NF1: variants seen among roughly 807,000 people sequenced by gnomAD.
NF1 encodes the protein neurofibromin.
In NF1, 122 loss-of-function variants were observed where a neutral mutation model predicts 325.7. The observed-to-expected ratio is 0.37, with a 90% CI of 0.32 to 0.44. NF1 has a LOEUF of 0.44. Among genes scored for constraint, NF1 ranks in the 20% least tolerant of loss-of-function variants. NF1 has a pLI of 1.00. For synonymous variants in NF1, 1,091 were observed against 1,186.0 expected (o/e 0.92, Z 1.65); for missense variants, 2,140 against 3,415.4 (o/e 0.63, Z 9.31).
At chr17:31,195,460 A>T (rs755053743) in intron 8 of NF1, among the ~76,000 whole-genome samples, 22 of 152,138 alleles carry the variant, frequency 1.4e-4, no homozygotes, top group Non-Finnish European at 2.9e-4. Flanking sequence ...TATCTTTCAC[A>T]TCGTTGTGCA....
intron 36 of NF1, chr17:31,320,632 A>G (rs1488081634): frequency 2.2e-6 from 1 of 459,040 alleles, no homozygotes; most frequent in Non-Finnish European, 3.9e-6. Flanking sequence ...GTAGGGAGGA[A>G]AAACTATTAA....
intron 4 of NF1, among the ~76,000 whole-genome samples, chr17:31,165,293 T>C (rs2065826320): frequency 6.6e-6 from 1 of 152,232 alleles, no homozygotes; most frequent in African/African-American, 2.4e-5. Flanking sequence ...TAAAATTTTA[T>C]TAGCTTTCAG....
intron 5 of NF1, among the ~76,000 whole-genome samples, chr17:31,179,779 T>C (rs950424803): frequency 6.0e-5 from 9 of 150,786 alleles, no homozygotes; most frequent in African/African-American, 2.2e-4. Flanking sequence ...CAAGACTCTG[T>C]TTAAAAAAAA....
chr17:31,187,980 G>A (rs1210809439), intron 8 of NF1, among the ~76,000 whole-genome samples: 1 of 152,216 alleles, frequency 6.6e-6, no homozygotes, highest in East Asian at 1.9e-4. Flanking sequence ...CTACTCCATA[G>A]CGGAGGTAAA....
At chr17:31,266,792 C>G (rs1235939462) in intron 36 of NF1, among the ~76,000 whole-genome samples, 2 of 150,486 alleles carry the variant, frequency 1.3e-5, no homozygotes, top group African/African-American at 4.9e-5. Flanking sequence ...CTGTGGTGAT[C>G]TAGAAAAAGC....
intron 36 of NF1, among the ~76,000 whole-genome samples, chr17:31,286,068 A>G (rs17885810): frequency 7.3e-4 from 111 of 152,150 alleles, no homozygotes; most frequent in Admixed American, 2.2e-3. Flanking sequence ...TGATTCCTTG[A>G]TCCTTTAAAT....
rs1450972012 is a variant in NF1, at chr17:31,360,520, G to T, written c.8194G>T (p.Val2732Phe). The T allele has an allele frequency of 6.2e-7, 1 of 1,614,044 alleles. No individual in the cohort carries two copies. The change falls in exon 57 of 58, where the codon GTT (valine) becomes TTT (phenylalanine). Residue 2732 changes from valine to phenylalanine, a missense_variant. Around this residue, in one of 10 missense-constraint regions of NF1, gnomAD observed 522 missense variants for 749.0 expected, o/e 0.70. Transcript: ENST00000358273. Reference sequence around the variant, plus strand: ...AATTCCAGACTATGCTGAGCTTATTGTTAAGTTTCTTGATGCCTTGATTGA... The same window carrying T: ...AATTCCAGACTATGCTGAGCTTATTTTTAAGTTTCTTGATGCCTTGATTGA... The part of the protein sequence containing the change: ...TQIPDYAELI[V>F]KFLDALIDTY...
chr17:31,227,262 A>G lies in NF1; in HGVS notation c.2296A>G (p.Ile766Val), dbSNP rs1303924124. ...AAGAGTGATGGCACTGCTGAGGCGCATTGAGCATCCCACTGCAGGAAACAC... is the reference window on the plus strand; with the variant it reads ...AAGAGTGATGGCACTGCTGAGGCGCGTTGAGCATCCCACTGCAGGAAACAC... ...QKRVMALLRR[I>V]EHPTAGNTEA... is the part of the protein sequence containing the mutation. Residue 766 changes from isoleucine (I) to valine (V), a missense_variant, in exon 19 of 58, where the codon ATT becomes GTT. This residue lies in a region of NF1 where 380 missense variants were observed against 639.3 expected (regional missense o/e 0.59). Coordinates refer to ENST00000358273, the MANE Select transcript of NF1 (RefSeq NM_001042492.3). The G allele has an allele frequency of 1.9e-6, 3 of 1,613,642 alleles. No homozygotes were observed. The highest frequency in any genetic ancestry group is 1.7e-5 in the Admixed American group (1 of 59,978).
intron 36 of NF1, chr17:31,296,021 A>C: frequency 6.2e-7 from 1 of 1,614,196 alleles, no homozygotes. Context: ...AGCAGCAGAC[A>C]TGTTCCACAG....
intron 8 of NF1, among the ~76,000 whole-genome samples, chr17:31,194,092 T>G (rs1257429144): frequency 3.9e-5 from 6 of 152,208 alleles, no homozygotes; most frequent in Admixed American, 1.3e-4. Context: ...TACTCCCATG[T>G]TTATTGCAGC....
chr17:31,157,845 A>C (rs1208044837), intron 2 of NF1, among the ~76,000 whole-genome samples: 1 of 150,676 alleles, frequency 6.6e-6, no homozygotes, highest in African/African-American at 2.4e-5. Context: ...ATGTGCCTGT[A>C]GTCCCAGCTA....
At chr17:31,178,417 A>G (rs2066062774) in intron 5 of NF1, among the ~76,000 whole-genome samples, 1 of 152,218 alleles carries the variant, frequency 6.6e-6, no homozygotes, top group South Asian at 2.1e-4. Flanking sequence ...CAAAAACATA[A>G]CAAATTGTAA....
At chr17:31,173,467 G>T (rs1424657222) in intron 5 of NF1, among the ~76,000 whole-genome samples, 3 of 151,812 alleles carry the variant, frequency 2.0e-5, no homozygotes, top group African/African-American at 4.8e-5. Context: ...GTGGTGGCAC[G>T]TGCCCATAAT....
chr17:31,118,938 CTTT>C (rs35974893), intron 1 of NF1, among the ~76,000 whole-genome samples: 1 of 146,382 alleles, frequency 6.8e-6, no homozygotes, highest in Non-Finnish European at 1.5e-5. Flanking sequence ...GTCTCTCTCT[CTTT>C]TTTTTTTTTC....
chr17:31,364,758 G>C (rs1368988905), intron 57 of NF1, among the ~76,000 whole-genome samples: 1 of 152,230 alleles, frequency 6.6e-6, no homozygotes, highest in East Asian at 1.9e-4. Context: ...ATTGAATTTG[G>C]CATCAGTGGA....
chr17:31,118,938 C>CTTTT (rs35974893), intron 1 of NF1, among the ~76,000 whole-genome samples: 11 of 146,374 alleles, frequency 7.5e-5, no homozygotes, highest in Non-Finnish European at 6.0e-5. Context: ...GTCTCTCTCT[C>CTTTT]TTTTTTTTTT....
chr17:31,155,485 GT>G (rs1410643469), intron 1 of NF1, among the ~76,000 whole-genome samples: 1 of 152,116 alleles, frequency 6.6e-6, no homozygotes, highest in Non-Finnish European at 1.5e-5. Flanking sequence ...ATCAGCAGTT[GT>G]TTGCCATTAT....
chr17:31,369,030 T>C lies in NF1; in HGVS notation c.8378-4983T>C, dbSNP rs185822288. ...TCTGTCATTTTTGTAGTATAACTTC[T>C]CACAAATTACCTAACCCATTTTTCC... On this transcript the variant is annotated intron_variant, in intron 57 of 57. Transcript: ENST00000358273. 3.0e-3 allele frequency among the ~76,000 whole-genome samples: 454 copies of C among 152,352 alleles called. 1 individual carries two copies. Among genetic ancestry groups the C allele is most frequent in the Admixed American group, 0.015 (227 of 15,302 alleles).
intron 36 of NF1, chr17:31,304,663 G>A (rs1424193506): frequency 3.7e-6 from 6 of 1,614,138 alleles, no homozygotes; most frequent in East Asian, 4.5e-5. Context: ...ATCTTCTGAT[G>A]TACCATTTAC....
Sources: allele counts gnomAD v4.1 joint callset (sites outside exome capture counted in the v4.1 genomes callset), GRCh38; gene constraint gnomAD v4.1.1; regional missense constraint gnomAD v4.1.1; transcripts MANE v1.5; gene names NCBI Gene and HGNC (gene_info 2026-07-23, HGNC 2026-07-21).